GRM5: variants seen among roughly 807,000 people sequenced by gnomAD.
The protein encoded by GRM5 is glutamate metabotropic receptor 5.
In GRM5, 19 loss-of-function variants were observed where a neutral mutation model predicts 83.1. The observed-to-expected ratio is 0.23, with a 90% CI of 0.16 to 0.34. GRM5 has a LOEUF of 0.34. Ranked by LOEUF, GRM5 falls within the 10% of genes least tolerant of loss-of-function variation. GRM5 has a pLI of 1.00. For missense variants in GRM5, 1,160 were observed against 1,588.3 expected (o/e 0.73, Z 4.58); for synonymous variants, 675 against 633.6 (o/e 1.07, Z -0.98).
chr11:88,564,672 A>C (rs1427958549), intron 8 of GRM5, among the ~76,000 whole-genome samples: 1 of 152,220 alleles, frequency 6.6e-6, no homozygotes, highest in African/African-American at 2.4e-5. Context: ...TTCAACAAAC[A>C]TACCAAAAAT....
At chr11:88,824,694 A>T (rs1188306301) in intron 3 of GRM5, among the ~76,000 whole-genome samples, 1 of 152,036 alleles carries the variant, frequency 6.6e-6, no homozygotes, top group Non-Finnish European at 1.5e-5. Context: ...TTCAAGTAGA[A>T]TGCTCACTTG....
At chr11:88,901,963 C>T (rs1417303376) in intron 2 of GRM5, among the ~76,000 whole-genome samples, 1 of 152,096 alleles carries the variant, frequency 6.6e-6, no homozygotes, top group African/African-American at 2.4e-5. Flanking sequence ...TGGAATTATA[C>T]AAGTAGTTCC....
intron 3 of GRM5, among the ~76,000 whole-genome samples, chr11:88,686,886 T>C (rs929163409): frequency 2.6e-5 from 4 of 152,100 alleles, no homozygotes; most frequent in African/African-American, 9.7e-5. Flanking sequence ...ATACAGACTC[T>C]CATGGCACTG....
chr11:88,994,751 A>T (rs2135056591), intron 2 of GRM5, among the ~76,000 whole-genome samples: 1 of 151,902 alleles, frequency 6.6e-6, no homozygotes, highest in African/African-American at 2.4e-5. Flanking sequence ...TCATTGTCTC[A>T]AGTATGTATG....
chr11:88,598,636 G>A (rs1366681249), intron 5 of GRM5, among the ~76,000 whole-genome samples: 1 of 152,046 alleles, frequency 6.6e-6, no homozygotes, highest in African/African-American at 2.4e-5. Context: ...AATGAGTTGA[G>A]ATATTAGAGC....
intron 2 of GRM5, among the ~76,000 whole-genome samples, chr11:88,909,602 G>A (rs1025755757): frequency 6.6e-5 from 10 of 150,620 alleles, no homozygotes; most frequent in African/African-American, 1.5e-4. Context: ...GCTTGTTTCC[G>A]TGATGGCACT....
chr11:88,649,680 A>T (rs999361682), intron 4 of GRM5, among the ~76,000 whole-genome samples: 4 of 151,276 alleles, frequency 2.6e-5, no homozygotes, highest in Admixed American at 2.0e-4. Context: ...ACAAAAGAAA[A>T]CCTGCCAATA....
chr11:88,716,661 G>C (rs1048139495), intron 3 of GRM5, among the ~76,000 whole-genome samples: 1 of 151,922 alleles, frequency 6.6e-6, no homozygotes. Flanking sequence ...AAAGTGGCTT[G>C]CATGTTAAAC....
intron 8 of GRM5, among the ~76,000 whole-genome samples, chr11:88,534,047 A>G (rs916749088): frequency 6.6e-6 from 1 of 152,148 alleles, no homozygotes; most frequent in Non-Finnish European, 1.5e-5. Context: ...AGGTTCAGGA[A>G]CCACCTAGAT....
Position 88,849,968 on chromosome 11 carries a change from C to A in GRM5, c.849G>T (p.Val283=). Residue 283 remains valine, a synonymous_variant, in exon 3 of 10, where the codon GTG becomes GTT. Transcript: ENST00000305447. Reference sequence around the variant, plus strand: ...GCCTCATGGCCATCAGCAGACCTCTCACCGTCATGCCCTCACAGAAGCAGG... The same window carrying A: ...GCCTCATGGCCATCAGCAGACCTCTAACCGTCATGCCCTCACAGAAGCAGG... The part of the protein sequence containing the change: ...VVACFCEGMT[V]RGLLMAMRRL... 1.9e-6 allele frequency: 3 copies of A among 1,614,098 alleles called. No individual in the cohort carries two copies. In the South Asian group the frequency reaches 3.3e-5, roughly 18 times the overall value.
At chr11:88,613,774 T>C (rs747535638) in intron 4 of GRM5, among the ~76,000 whole-genome samples, 4 of 152,200 alleles carry the variant, frequency 2.6e-5, no homozygotes, top group African/African-American at 4.8e-5. Context: ...ACTTCCTTCA[T>C]GAAGACCACC....
intron 8 of GRM5, among the ~76,000 whole-genome samples, chr11:88,563,701 A>C (rs4415762): frequency 0.054 from 8,198 of 152,252 alleles, 699 homozygotes; most frequent in African/African-American, 0.18. Context: ...AATTTTCAAG[A>C]CTGAGAAGCA....
chr11:88,651,093 C>G (rs1939619434), intron 4 of GRM5, among the ~76,000 whole-genome samples: 1 of 151,870 alleles, frequency 6.6e-6, no homozygotes, highest in African/African-American at 2.4e-5. Context: ...CCAAGGTGCT[C>G]ACATGAGAGA....
chr11:88,600,993 C>G (rs1370673167), intron 5 of GRM5, among the ~76,000 whole-genome samples: 1 of 151,990 alleles, frequency 6.6e-6, no homozygotes, highest in African/African-American at 2.4e-5. Flanking sequence ...GTTAGTTAGA[C>G]CAAAAATGTG....
chr11:88,917,680 C>T (rs970347703), intron 2 of GRM5, among the ~76,000 whole-genome samples: 1 of 151,916 alleles, frequency 6.6e-6, no homozygotes, highest in Non-Finnish European at 1.5e-5. Context: ...TGGAACAGCC[C>T]TATTAACTGA....
At chr11:88,774,325 CT>C (rs1942803263) in intron 3 of GRM5, among the ~76,000 whole-genome samples, 2 of 152,162 alleles carry the variant, frequency 1.3e-5, no homozygotes, top group South Asian at 2.1e-4. Flanking sequence ...GCTGAAGTTG[CT>C]TATCAGCTTA....
chr11:88,531,890 G>C (rs958511003), intron 8 of GRM5, among the ~76,000 whole-genome samples: 1 of 151,986 alleles, frequency 6.6e-6, no homozygotes, highest in African/African-American at 2.4e-5. Flanking sequence ...CCTTGAAGGA[G>C]CATTGTGCTA....
chr11:88,534,785 T>G (rs1942097467), intron 8 of GRM5, among the ~76,000 whole-genome samples: 1 of 152,224 alleles, frequency 6.6e-6, no homozygotes, highest in Non-Finnish European at 1.5e-5. Context: ...AAATTTCATC[T>G]TCACTTGTAC....
At chr11:88,919,238 C>CTA (rs147135169) in intron 2 of GRM5, among the ~76,000 whole-genome samples, 1,250 of 32,376 alleles carry the variant, frequency 0.039, 276 homozygotes, top group African/African-American at 0.057. Context: ...GCAGGAGTAG[C>CTA]TATATATATA....
Sources: allele counts gnomAD v4.1 joint callset (sites outside exome capture counted in the v4.1 genomes callset), GRCh38; gene constraint gnomAD v4.1.1; transcripts MANE v1.5; gene names NCBI Gene and HGNC (gene_info 2026-07-23, HGNC 2026-07-21).